COX7B2: variants seen among roughly 807,000 people sequenced by gnomAD.
COX7B2 encodes cytochrome c oxidase subunit 7B2, also known as cytochrome c oxidase subunit 7B2, mitochondrial.
For missense variants in COX7B2, 109 were observed against 95.9 expected (o/e 1.14, Z -0.57); for synonymous variants, 37 against 32.1 (o/e 1.15, Z -0.51).
intron 2 of COX7B2, among the ~76,000 whole-genome samples, chr4:46,792,746 A>C (rs1718117730): frequency 1.3e-5 from 2 of 152,202 alleles, no homozygotes; most frequent in Admixed American, 1.3e-4. Context: ...GGAGAACTCT[A>C]GGACAGATTT....
intron 1 of COX7B2, among the ~76,000 whole-genome samples, chr4:46,902,189 G>A (rs1259227737): frequency 1.3e-5 from 2 of 152,102 alleles, no homozygotes. Context: ...CCTGTAAAAT[G>A]GAAGAGCAGA....
At position 46,734,947 on chromosome 4, in the gene COX7B2, T is replaced by A. The variant is rs113832521; in HGVS notation, c.246A>T (p.Ter82TyrextTer6). 31 of 1,614,080 alleles carry A rather than the reference T, an allele frequency of 1.9e-5. No individual in the cohort carries two copies. The highest frequency in any genetic ancestry group is 1.7e-4 in the Middle Eastern group (1 of 6,058). The change falls in exon 3 of 3, where the codon TAA (stop) becomes TAT (tyrosine). Residue 82 changes from the stop codon to tyrosine (Y), a stop_lost. Coordinates refer to ENST00000355591, the MANE Select transcript of COX7B2 (RefSeq NM_130902.3). ...RVTPKEWKHQ[*>Y] ...TCTGTCATTACAGCAACTGTGATGG[T>A]TACTGATGTTTCCACTCTTTTGGGG...
intron 2 of COX7B2, among the ~76,000 whole-genome samples, chr4:46,800,306 G>A (rs1404151640): frequency 1.3e-5 from 2 of 152,036 alleles, no homozygotes; most frequent in East Asian, 1.9e-4. Flanking sequence ...AGTCAGAACA[G>A]CCAAAGCAAT....
chr4:46,889,701 G>A (rs917945523), intron 1 of COX7B2, among the ~76,000 whole-genome samples: 117 of 152,060 alleles, frequency 7.7e-4, no homozygotes, highest in African/African-American at 2.6e-3. Context: ...TGATAATGAG[G>A]GCAAAAAGTC....
chr4:46,827,608 A>T lies in COX7B2; in HGVS notation c.-50+17352T>A, dbSNP rs905857138. Among the ~76,000 whole-genome samples, 8 of 152,318 alleles carry T rather than the reference A, an allele frequency of 5.3e-5. No individual in the cohort carries two copies. The South Asian group carries it at 8.3e-4, about 16-fold the overall frequency. On this transcript the variant is annotated intron_variant, in intron 2 of 2. Coordinates refer to ENST00000355591, the MANE Select transcript of COX7B2 (RefSeq NM_130902.3). ...TAAAAACCTTTTGTGTCTTTAAAAT[A>T]TGAGCTACTCGTAGCATATCTGCAC...
chr4:46,879,824 G>A (rs1308660571), intron 1 of COX7B2, among the ~76,000 whole-genome samples: 2 of 151,650 alleles, frequency 1.3e-5, no homozygotes, highest in Admixed American at 1.3e-4. Context: ...ACTCTTTATT[G>A]TACCCAGAAA....
At chr4:46,838,927 G>A (rs1473092) in intron 2 of COX7B2, among the ~76,000 whole-genome samples, 41,823 of 151,256 alleles carry the variant, frequency 0.28, 6,178 homozygotes, top group Admixed American at 0.37. Context: ...TACATCTCAA[G>A]ATCATGCCAT....
intron 2 of COX7B2, among the ~76,000 whole-genome samples, chr4:46,813,788 A>C (rs1186576867): frequency 6.6e-6 from 1 of 152,188 alleles, no homozygotes; most frequent in Admixed American, 6.5e-5. Context: ...CATGAAAACT[A>C]TTCATCTGAC....
At chr4:46,834,912 C>T (rs188396238) in intron 2 of COX7B2, among the ~76,000 whole-genome samples, 1 of 152,014 alleles carries the variant, frequency 6.6e-6, no homozygotes, top group East Asian at 1.9e-4. Flanking sequence ...ATATGCTAGG[C>T]AATGTGCAAG....
rs531362002 is a variant in COX7B2 at position 46,825,534 on chromosome 4, T to A, written c.-50+19426A>T. ...TTCACAGAACTAGAAAAAAACTATA[T>A]TATAATTCACATGGAACCAAAAAAG... On this transcript the variant is annotated intron_variant, in intron 2 of 2. Coordinates refer to ENST00000355591, the MANE Select transcript of COX7B2 (RefSeq NM_130902.3). Among the ~76,000 whole-genome samples the A allele has an allele frequency of 5.3e-5, 8 of 152,226 alleles. No individual in the cohort carries two copies. In the South Asian group the frequency reaches 1.7e-3, roughly 32 times the overall value.
intron 2 of COX7B2, among the ~76,000 whole-genome samples, chr4:46,791,247 G>T (rs1327854329): frequency 2.0e-5 from 3 of 151,362 alleles, no homozygotes; most frequent in African/African-American, 4.9e-5. Context: ...CTGACCTCGT[G>T]ATCCTCCCGC....
At chr4:46,882,038 A>G (rs894182581) in intron 1 of COX7B2, among the ~76,000 whole-genome samples, 22 of 152,056 alleles carry the variant, frequency 1.4e-4, no homozygotes, top group African/African-American at 4.1e-4. Context: ...TTTCTGCCTT[A>G]ATTTCATTAT....
chr4:46,796,331 A>C (rs894113014), intron 2 of COX7B2, among the ~76,000 whole-genome samples: 2 of 149,770 alleles, frequency 1.3e-5, no homozygotes, highest in African/African-American at 5.1e-5. Flanking sequence ...GCCAAAAAAC[A>C]CATGAAGAAA....
At chr4:46,737,108 G>A (rs1560341617) in intron 2 of COX7B2, among the ~76,000 whole-genome samples, 1 of 152,156 alleles carries the variant, frequency 6.6e-6, no homozygotes, top group African/African-American at 2.4e-5. Context: ...ATCCTGGCCA[G>A]CATTTGATGT....
At chr4:46,791,086 G>A (rs576225898) in intron 2 of COX7B2, among the ~76,000 whole-genome samples, 4 of 152,242 alleles carry the variant, frequency 2.6e-5, no homozygotes, top group African/African-American at 9.6e-5. Flanking sequence ...TGCAAGCTCC[G>A]CCTCTGGGGT....
intron 2 of COX7B2, among the ~76,000 whole-genome samples, chr4:46,795,760 GAT>G (rs1242464389): frequency 2.4e-4 from 4 of 16,802 alleles, no homozygotes; most frequent in Middle Eastern, 0.016. Flanking sequence ...GCTTGATGGG[GAT>G]GGCATTGAAT....
chr4:46,847,993 T>C (rs1285749765), intron 1 of COX7B2, among the ~76,000 whole-genome samples: 1 of 152,024 alleles, frequency 6.6e-6, no homozygotes, highest in African/African-American at 2.4e-5. Context: ...TTCTGTTCTT[T>C]TTGTTCTAGG....
intron 1 of COX7B2, among the ~76,000 whole-genome samples, chr4:46,864,911 T>C (rs1717571239): frequency 6.6e-6 from 1 of 152,202 alleles, no homozygotes; most frequent in Non-Finnish European, 1.5e-5. Context: ...CCCAAAGTGC[T>C]GGGGTTACAG....
At chr4:46,810,243 T>C (rs1719220584) in intron 2 of COX7B2, among the ~76,000 whole-genome samples, 1 of 151,990 alleles carries the variant, frequency 6.6e-6, no homozygotes, top group Non-Finnish European at 1.5e-5. Context: ...TTACACAGAT[T>C]GGTTGAATGT....
Sources: allele counts gnomAD v4.1 joint callset (sites outside exome capture counted in the v4.1 genomes callset), GRCh38; gene constraint gnomAD v4.1.1; transcripts MANE v1.5; gene names NCBI Gene and HGNC (gene_info 2026-07-23, HGNC 2026-07-21).